Variants in PRR5L observed in about 807,000 individuals in gnomAD.
The protein encoded by PRR5L is proline rich 5 like.
Under a neutral mutation model 36.4 loss-of-function variants are expected in PRR5L, and 21 were observed. The ratio of observed to expected loss-of-function variants is 0.58; its 90% CI spans 0.41 to 0.83. PRR5L has a LOEUF of 0.83. PRR5L is among the 40% of genes least tolerant of loss of function. PRR5L has a pLI of 0.00. For synonymous variants in PRR5L, 188 were observed against 197.0 expected, an observed-to-expected ratio of 0.95 and a Z score of 0.38; for missense variants, 381 against 473.3, an observed-to-expected ratio of 0.80 and a Z score of 1.81.
chr11:36,350,682 T>C (rs773996932), intron 1 of PRR5L, among the ~76,000 whole-genome samples: 22 of 151,384 alleles, frequency 1.5e-4, no homozygotes, highest in Admixed American at 1.3e-3. Context: ...TCTTTTATCC[T>C]TCACCACCCT....
chr11:36,435,196 CCCT>C (rs1858579942), intron 5 of PRR5L, among the ~76,000 whole-genome samples: 1 of 151,960 alleles, frequency 6.6e-6, no homozygotes, highest in South Asian at 2.1e-4. Context: ...TTAGACTTCC[CCCT>C]CCTCCTCCCT....
intron 3 of PRR5L, among the ~76,000 whole-genome samples, chr11:36,406,493 A>G (rs1472901567): frequency 6.6e-6 from 1 of 152,230 alleles, no homozygotes; most frequent in African/African-American, 2.4e-5. Context: ...TCTCCCAGGC[A>G]TTGACGTGAC....
chr11:36,315,087 G>T (rs564840156), intron 1 of PRR5L, among the ~76,000 whole-genome samples: 2 of 152,118 alleles, frequency 1.3e-5, no homozygotes, highest in African/African-American at 4.8e-5. Flanking sequence ...TGTGTATAAG[G>T]ACTATAGGGC....
chr11:36,297,195 T>C lies in PRR5L; in HGVS notation c.-126+757T>C, dbSNP rs1302390602. 2.0e-5 allele frequency among the ~76,000 whole-genome samples: 3 copies of C among 152,338 alleles called. No homozygotes were observed. The East Asian group carries it at 5.8e-4, about 29-fold the overall frequency. On this transcript the variant is annotated intron_variant, in intron 1 of 8. Transcript: ENST00000530639. ...TTGAATTCAGTTTTCTCTTAAGTAG[T>C]ATGGGAATCTTAGACCCGCCCAGCC... is the stretch of plus-strand genomic sequence containing the variant.
chr11:36,444,969 A>T (rs544781239), intron 6 of PRR5L, among the ~76,000 whole-genome samples: 106 of 152,356 alleles, frequency 7.0e-4, no homozygotes, highest in Non-Finnish European at 1.3e-3. Context: ...CCAACTTTTA[A>T]AAGATATTGA....
chr11:36,422,909 G>A (rs1461081577), intron 4 of PRR5L, among the ~76,000 whole-genome samples: 1 of 151,982 alleles, frequency 6.6e-6, no homozygotes, highest in Non-Finnish European at 1.5e-5. Flanking sequence ...GGGATAATTG[G>A]TTTCTTGTAA....
rs114073624 is a variant in PRR5L at position 36,296,623 on chromosome 11, A to G, written c.-126+185A>G. Among the ~76,000 whole-genome samples the G allele has an allele frequency of 3.3e-3, 496 of 152,346 alleles. 2 individuals carry two copies. Among genetic ancestry groups the G allele is most frequent in the African/African-American group, 0.012 (479 of 41,584 alleles). On this transcript the variant is annotated intron_variant, in intron 1 of 8. Coordinates refer to ENST00000530639, the MANE Select transcript of PRR5L (RefSeq NM_001160167.2). ...TCAAGTTCAGCAGCCTCCCAGTTAG[A>G]AAAATACCCTCTGTCTGTCTGGCCC... is the stretch of plus-strand genomic sequence containing the variant.
intron 3 of PRR5L, among the ~76,000 whole-genome samples, chr11:36,418,139 G>A (rs61877400): frequency 0.022 from 3,325 of 152,322 alleles, 66 homozygotes; most frequent in Non-Finnish European, 0.035. Context: ...GAAGAGAGCA[G>A]AGACCTTGTC....
At chr11:36,313,981 G>C (rs1856529733) in intron 1 of PRR5L, among the ~76,000 whole-genome samples, 1 of 152,116 alleles carries the variant, frequency 6.6e-6, no homozygotes, top group Non-Finnish European at 1.5e-5. Flanking sequence ...GTGTGGTTTT[G>C]ACCTAGTTAT....
rs1857283525 is a variant in PRR5L, at chr11:36,377,318, AGCCCTGGGACGGCCCGGCTGCGGACCCC to A, written c.-125-23676_-125-23649del. Among the ~76,000 whole-genome samples, 1 of 152,196 alleles carries A rather than the reference AGCCCTGGGACGGCCCGGCTGCGGACCCC, an allele frequency of 6.6e-6. No individual in the cohort carries two copies. On this transcript the variant is annotated intron_variant, in intron 1 of 8. Coordinates refer to ENST00000530639, the MANE Select transcript of PRR5L (RefSeq NM_001160167.2). The surrounding 1 kb of genome is among the most constrained non-coding windows in gnomAD (Gnocchi z 5.1). ...ATCCCGCCGGGACGGGCTGTGAGCA[AGCCCTGGGACGGCCCGGCTGCGGACCCC>A]GCGCTGGGAGTCCGCAGTATCCCCC...
chr11:36,465,029 G>A lies in PRR5L; in HGVS notation c.*2293G>A, dbSNP rs1859267897. On this transcript the variant is annotated 3_prime_UTR_variant, in exon 9 of 9. Transcript: ENST00000530639. Reference sequence around the variant, plus strand: ...AGAGAGCTATTGGAGTGAGAGCTGAGGTGTCCTTAACCACTTTTTCTCTCC... The same window carrying A: ...AGAGAGCTATTGGAGTGAGAGCTGAAGTGTCCTTAACCACTTTTTCTCTCC... The A allele has an allele frequency of 1.3e-5, 2 of 152,242 alleles. No individual in the cohort carries two copies. Among genetic ancestry groups the A allele is most frequent in the South Asian group, 4.1e-4 (2 of 4,824 alleles). The allele number at this position is 152,242 out of a possible 1,614,324, so 9.4% of individuals were successfully genotyped here. A position where few individuals can be genotyped will look rare whatever the true frequency, so the allele number is the denominator to read the frequency against.
At chr11:36,347,997 A>G (rs1169602626) in intron 1 of PRR5L, among the ~76,000 whole-genome samples, 1 of 152,204 alleles carries the variant, frequency 6.6e-6, no homozygotes, top group South Asian at 2.1e-4. Flanking sequence ...TCATGGGGCC[A>G]TTATGAGAAT....
chr11:36,369,769 G>C (rs1857179800), intron 1 of PRR5L, among the ~76,000 whole-genome samples: 1 of 152,024 alleles, frequency 6.6e-6, no homozygotes, highest in Non-Finnish European at 1.5e-5. Flanking sequence ...TAATTGTTTT[G>C]TATTTTTGGT....
intron 1 of PRR5L, among the ~76,000 whole-genome samples, chr11:36,371,906 A>G (rs56243645): frequency 0.037 from 5,641 of 152,038 alleles, 357 homozygotes; most frequent in African/African-American, 0.13. Context: ...TAAAAAAACA[A>G]AATTAGCTGT....
chr11:36,393,097 T>C (rs1484582118), intron 1 of PRR5L, among the ~76,000 whole-genome samples: 1 of 152,216 alleles, frequency 6.6e-6, no homozygotes, highest in Non-Finnish European at 1.5e-5. Flanking sequence ...GTCAGAAGGA[T>C]AGTTTGCAAA....
intron 1 of PRR5L, among the ~76,000 whole-genome samples, chr11:36,306,645 A>G (rs1405390530): frequency 1.3e-5 from 2 of 152,088 alleles, no homozygotes; most frequent in African/African-American, 4.8e-5. Context: ...TTATTTTTTA[A>G]TGATCTTGCA....
intron 2 of PRR5L, among the ~76,000 whole-genome samples, chr11:36,402,194 T>G (rs1022900260): frequency 2.6e-5 from 4 of 152,218 alleles, no homozygotes; most frequent in Non-Finnish European, 4.4e-5. Context: ...AAATGCATCA[T>G]TATTTTGAAG....
rs55635913 is a variant in PRR5L, at chr11:36,367,740, T to TTC, written c.-125-33225_-125-33224dup. Among the ~76,000 whole-genome samples, 882 of 150,452 alleles carry TTC rather than the reference T, an allele frequency of 5.9e-3. 9 individuals carry two copies. The highest frequency in any genetic ancestry group is 0.016 in the African/African-American group (655 of 40,940). On this transcript the variant is annotated intron_variant, in intron 1 of 8. Coordinates refer to ENST00000530639, the MANE Select transcript of PRR5L (RefSeq NM_001160167.2). ...TTCATGGGAGCCGGGACCAGAGAACTTCTCTCTCTCTCTCTCTCTCTCTCT... is the reference window on the plus strand; with the variant it reads ...TTCATGGGAGCCGGGACCAGAGAACTTCTCTCTCTCTCTCTCTCTCTCTCTCT...
At chr11:36,400,879 C>G in intron 1 of PRR5L, 118 bp from the exon 2 acceptor site, 1 of 707,744 alleles carries the variant, frequency 1.4e-6, no homozygotes, top group Non-Finnish European at 2.1e-6. Flanking sequence ...GGAATAGATG[C>G]TATTGCTGGG....
Sources: allele counts gnomAD v4.1 joint callset (sites outside exome capture counted in the v4.1 genomes callset), GRCh38; gene constraint gnomAD v4.1.1; non-coding constraint Gnocchi (gnomAD v3.1); transcripts MANE v1.5; gene names NCBI Gene and HGNC (gene_info 2026-07-23, HGNC 2026-07-21).